The following SLC5A11 variants were observed in gnomAD, a reference collection of about 807,000 sequenced individuals.
SLC5A11 encodes solute carrier family 5 member 11.
SLC5A11 carries 48 observed loss-of-function variants against 69.8 expected under a neutral mutation model. The ratio of observed to expected loss-of-function variants is 0.69; its 90% CI spans 0.55 to 0.87. SLC5A11 has a LOEUF of 0.87. Among genes scored for constraint, SLC5A11 ranks in the 40% least tolerant of loss-of-function variants. The pLI, the probability that SLC5A11 is intolerant of heterozygous loss-of-function variation, is 0.00. For synonymous variants in SLC5A11, 319 were observed against 342.4 expected (o/e 0.93, Z 0.75); for missense variants, 784 against 866.1 (o/e 0.91, Z 1.19).
chr16:24,889,265 T>C (rs2152361928), intron 8 of SLC5A11, among the ~76,000 whole-genome samples: 1 of 152,248 alleles, frequency 6.6e-6, no homozygotes, highest in Middle Eastern at 3.4e-3. Context: ...GGAGAATTGC[T>C]TGAGCCTAGG....
In SLC5A11 at chr16:24,906,886, T is replaced by G. The variant is rs571203282; in HGVS notation, c.1114+122T>G. On this transcript the variant is annotated intron_variant, in intron 11 of 15. Transcript: ENST00000347898. ...CTGGTGGGGGAGGAAGACTCTGGGC[T>G]CCCCAAGAAAGGCTACGTCCTGCAG... The G allele has an allele frequency of 1.3e-5, 19 of 1,409,158 alleles. No homozygotes were observed. In the South Asian group the frequency reaches 2.6e-4, roughly 19 times the overall value. The allele number at this position is 1,409,158 out of a possible 1,614,324, so 87.3% of individuals were successfully genotyped here.
At chr16:24,867,369 C>T (rs147545340) in intron 3 of SLC5A11, among the ~76,000 whole-genome samples, 1 of 152,188 alleles carries the variant, frequency 6.6e-6, no homozygotes, top group African/African-American at 2.4e-5. Context: ...CCAGCTAAAG[C>T]AGTGCTTAGA....
chr16:24,874,598 G>A (rs188088601), intron 5 of SLC5A11, among the ~76,000 whole-genome samples: 10 of 152,008 alleles, frequency 6.6e-5, no homozygotes, highest in Admixed American at 4.6e-4. Flanking sequence ...TTGCTCTGTC[G>A]CTCAGGCTGG....
At chr16:24,896,439 G>A (rs1358052211) in intron 9 of SLC5A11, among the ~76,000 whole-genome samples, 4 of 151,488 alleles carry the variant, frequency 2.6e-5, no homozygotes, top group African/African-American at 9.7e-5. Context: ...GGGCTACAGT[G>A]AGCTGTGATC....
At chr16:24,861,771 G>A (rs560017260) in intron 2 of SLC5A11, among the ~76,000 whole-genome samples, 12 of 140,730 alleles carry the variant, frequency 8.5e-5, no homozygotes, top group African/African-American at 2.9e-4. Flanking sequence ...GAAAGAAAGA[G>A]AAAGAAAAAG....
chr16:24,891,991 A>G (rs1477666506), intron 9 of SLC5A11, among the ~76,000 whole-genome samples: 2 of 147,290 alleles, frequency 1.4e-5, no homozygotes, highest in Admixed American at 1.4e-4. Flanking sequence ...CTGAGGCAGG[A>G]GGCTCACTTG....
intron 4 of SLC5A11, among the ~76,000 whole-genome samples, chr16:24,870,255 G>A (rs1367364294): frequency 6.6e-6 from 1 of 151,386 alleles, no homozygotes; most frequent in Non-Finnish European, 1.5e-5. Context: ...TTAGCCGAGT[G>A]TAATGGCGGG....
At chr16:24,885,237 T>A (rs780332736) in intron 8 of SLC5A11, among the ~76,000 whole-genome samples, 1 of 152,040 alleles carries the variant, frequency 6.6e-6, no homozygotes, top group Non-Finnish European at 1.5e-5. Context: ...AGCTCTCTGA[T>A]AGGTTCAGGG....
chr16:24,909,188 T>G (rs972847769), intron 14 of SLC5A11, 92 bp downstream of exon 15: 3 of 1,373,186 alleles, frequency 2.2e-6, no homozygotes, highest in Non-Finnish European at 2.0e-6. Context: ...GGAGACTGAT[T>G]GTCCAAAAAG....
At chr16:24,877,425 A>T (rs1019844505) in intron 7 of SLC5A11, 62 bp downstream of exon 8, 254 of 1,242,122 alleles carry the variant, frequency 2.0e-4, no homozygotes, top group Non-Finnish European at 2.8e-4. Context: ...GGGCCACTCT[A>T]CCTTCTCCTT....
At chr16:24,895,403 T>G (rs1455200944) in intron 9 of SLC5A11, among the ~76,000 whole-genome samples, 2 of 151,650 alleles carry the variant, frequency 1.3e-5, no homozygotes, top group African/African-American at 2.4e-5. Flanking sequence ...GCAGGAGAAT[T>G]GCTTGAACCC....
At chr16:24,875,788 C>A in intron 6 of SLC5A11, 57 bp downstream of exon 7, 2 of 1,358,878 alleles carry the variant, frequency 1.5e-6, no homozygotes, top group Non-Finnish European at 2.1e-6. Flanking sequence ...AGATAAGGCA[C>A]AGATCATTGC....
intron 9 of SLC5A11, among the ~76,000 whole-genome samples, chr16:24,894,939 G>A (rs190787860): frequency 1.2e-4 from 18 of 152,156 alleles, no homozygotes; most frequent in Admixed American, 4.6e-4. Flanking sequence ...GTAACATAGC[G>A]AGACCTCATC....
chr16:24,877,039 A>G (rs907043409), intron 6 of SLC5A11: 30 of 1,362,428 alleles, frequency 2.2e-5, no homozygotes, highest in Non-Finnish European at 2.7e-5. Context: ...CAGAAGCAGG[A>G]AGACCATTGA....
intron 8 of SLC5A11, among the ~76,000 whole-genome samples, chr16:24,888,478 CTTTTTTTTTTTT>C (rs891552223): frequency 1.2e-5 from 1 of 81,406 alleles, no homozygotes; most frequent in Non-Finnish European, 2.2e-5. Context: ...GTATCTATTT[CTTTTTTTTTTTT>C]TTTTTTTTTT....
intron 10 of SLC5A11, 147 bp downstream of exon 11, chr16:24,898,256 G>A: frequency 8.8e-7 from 1 of 1,141,586 alleles, no homozygotes. Context: ...CTGTCATTCA[G>A]GTTGGAGTGC....
intron 9 of SLC5A11, among the ~76,000 whole-genome samples, chr16:24,894,399 A>AT (rs1398389046): frequency 6.6e-6 from 1 of 152,204 alleles, no homozygotes; most frequent in African/African-American, 2.4e-5. Context: ...GACAGATGCC[A>AT]TAACAGATGG....
At chr16:24,907,083 C>G in exon 12 of SLC5A11, 1 of 1,614,172 alleles carries the variant, frequency 6.2e-7, no homozygotes. Context: ...CCCTCACCTC[C>G]ATCTTTAACA....
At chr16:24,850,002 A>G (rs774849489) in intron 1 of SLC5A11, among the ~76,000 whole-genome samples, 11 of 152,028 alleles carry the variant, frequency 7.2e-5, no homozygotes, top group African/African-American at 1.2e-4. Context: ...CAGTGGTGCA[A>G]TCACAGCTCA....
Sources: gnomAD v4.1 joint callset for allele counts (sites outside exome capture counted in the v4.1 genomes callset) on GRCh38, gnomAD v4.1.1 for gene constraint, MANE v1.5 for transcripts, NCBI Gene and HGNC (gene_info 2026-07-23, HGNC 2026-07-21) for gene names.